The following SSBP3 variants were observed in gnomAD, a reference collection of about 807,000 sequenced individuals.
The protein encoded by SSBP3 is single stranded DNA binding protein 3.
SSBP3 carries 5 observed loss-of-function variants against 69.6 expected under a neutral mutation model. The ratio of observed to expected loss-of-function variants is 0.07; its 90% CI spans 0.04 to 0.15. The LOEUF (loss-of-function observed/expected upper bound fraction) is 0.15. Among genes scored for constraint, SSBP3 ranks in the 10% least tolerant of loss-of-function variants. SSBP3 has a pLI of 1.00. For synonymous variants in SSBP3, 196 were observed against 193.4 expected, an observed-to-expected ratio of 1.01 and a Z score of -0.11; for missense variants, 312 against 534.0, an observed-to-expected ratio of 0.58 and a Z score of 4.10.
Position 54,316,689 on chromosome 1 carries a change from T to A in SSBP3, c.277-35162A>T, listed in dbSNP as rs1270882054. On this transcript the variant is annotated intron_variant, in intron 4 of 17. Coordinates refer to ENST00000610401, the Ensembl canonical transcript of SSBP3. ...ATAAATAAATAAATAAATAAATAAA[T>A]AAATAAATAAATAAATAAATAAAAT... Among the ~76,000 whole-genome samples, 27 of 127,924 alleles carry A rather than the reference T, an allele frequency of 2.1e-4. 1 individual carries two copies. The highest frequency in any genetic ancestry group is 7.5e-4 in the East Asian group (3 of 3,994). The allele number at this position is 127,924 out of a possible 152,430, so 83.9% of individuals were successfully genotyped here. A position where few individuals can be genotyped will look rare whatever the true frequency, so the allele number is the denominator to read the frequency against.
At chr1:54,279,338 G>A (rs751805072) in intron 5 of SSBP3, among the ~76,000 whole-genome samples, 3 of 152,358 alleles carry the variant, frequency 2.0e-5, no homozygotes, top group Non-Finnish European at 4.4e-5. Flanking sequence ...AACGTCACAG[G>A]GGAGGGCCCA....
At chr1:54,284,103 C>CTTT (rs5774181) in intron 4 of SSBP3, among the ~76,000 whole-genome samples, 4 of 87,616 alleles carry the variant, frequency 4.6e-5, no homozygotes, top group Admixed American at 1.3e-4. Context: ...TATTTAACCA[C>CTTT]TTTTTTTTTT....
At chr1:54,344,026 C>T (rs1337029292) in intron 4 of SSBP3, among the ~76,000 whole-genome samples, 1 of 152,156 alleles carries the variant, frequency 6.6e-6, no homozygotes, top group African/African-American at 2.4e-5. Flanking sequence ...TGGTGGGAAG[C>T]TCAGTACCTG....
intron 4 of SSBP3, among the ~76,000 whole-genome samples, chr1:54,350,867 A>G (rs1646770774): frequency 6.6e-6 from 1 of 152,038 alleles, no homozygotes; most frequent in African/African-American, 2.4e-5. Flanking sequence ...ACAGGGTCTC[A>G]TTCTGTCACC....
At chr1:54,233,870 C>G (rs533863047) in intron 14 of SSBP3, among the ~76,000 whole-genome samples, 1 of 152,196 alleles carries the variant, frequency 6.6e-6, no homozygotes, top group Non-Finnish European at 1.5e-5. Flanking sequence ...TCACTGAGAA[C>G]GGGCCAGGAT....
chr1:54,348,392 C>A lies in SSBP3; in HGVS notation c.276+53469G>T, dbSNP rs114206733. Among the ~76,000 whole-genome samples the A allele has an allele frequency of 2.5e-3, 376 of 152,172 alleles. 2 individuals are homozygous for A. Among genetic ancestry groups the A allele is most frequent in the African/African-American group, 8.7e-3 (362 of 41,512 alleles). ...GGAAGTAGACATCCTCCTGCCTTGC[C>A]CCCTCAGCCAGTCACATGCTTCTAA... On this transcript the variant is annotated intron_variant, in intron 4 of 17. Transcript: ENST00000610401.
At chr1:54,262,694 G>C (rs569877371) in intron 5 of SSBP3, among the ~76,000 whole-genome samples, 1 of 152,346 alleles carries the variant, frequency 6.6e-6, no homozygotes, top group South Asian at 2.1e-4. Context: ...GCCCAGTGTG[G>C]CCACAGCATG....
At chr1:54,230,803 T>C (rs987215194) in intron 14 of SSBP3, among the ~76,000 whole-genome samples, 7 of 152,234 alleles carry the variant, frequency 4.6e-5, no homozygotes, top group African/African-American at 1.7e-4. Context: ...TCACTTAGCA[T>C]GTTTTCAAGG....
intron 4 of SSBP3, among the ~76,000 whole-genome samples, chr1:54,358,402 G>T (rs1646901738): frequency 6.6e-6 from 1 of 152,236 alleles, no homozygotes. Flanking sequence ...GGCAAGGGCA[G>T]AGTCTCAGGG....
chr1:54,369,750 G>A (rs988011438), intron 4 of SSBP3, among the ~76,000 whole-genome samples: 6 of 152,190 alleles, frequency 3.9e-5, no homozygotes, highest in South Asian at 2.1e-4. Context: ...GTCTGAGGAC[G>A]CTCAGAACAG....
chr1:54,276,801 T>C (rs530975427), intron 5 of SSBP3, among the ~76,000 whole-genome samples: 1 of 151,944 alleles, frequency 6.6e-6, no homozygotes, highest in South Asian at 2.1e-4. Context: ...AAGCCCATAC[T>C]CAACAAGGTC....
chr1:54,273,343 C>T (rs1297981326), intron 5 of SSBP3, among the ~76,000 whole-genome samples: 3 of 152,188 alleles, frequency 2.0e-5, no homozygotes, highest in African/African-American at 4.8e-5. Context: ...TGCGTGCACA[C>T]AGGCACGCAC....
intron 4 of SSBP3, among the ~76,000 whole-genome samples, chr1:54,353,167 C>T (rs2100589686): frequency 6.6e-6 from 1 of 152,290 alleles, no homozygotes; most frequent in African/African-American, 2.4e-5. Context: ...CTCAGAGGGC[C>T]CCAGCCAGTT....
At chr1:54,302,291 T>C (rs1460904992) in intron 4 of SSBP3, among the ~76,000 whole-genome samples, 2 of 151,476 alleles carry the variant, frequency 1.3e-5, no homozygotes, top group Non-Finnish European at 2.9e-5. Flanking sequence ...ACCTGCTCAA[T>C]GAATGTAGCT....
At chr1:54,351,413 G>A (rs1646779101) in intron 4 of SSBP3, among the ~76,000 whole-genome samples, 1 of 152,196 alleles carries the variant, frequency 6.6e-6, no homozygotes, top group Non-Finnish European at 1.5e-5. Context: ...AACAGGCAGA[G>A]CCTGAAGAGC....
At chr1:54,407,668 C>G (rs151298632), upstream of SSBP3, among the ~76,000 whole-genome samples, 1 of 150,790 alleles carries the variant, frequency 6.6e-6, no homozygotes, top group East Asian at 2.0e-4. Context: ...AAGAGTCAAG[C>G]AGAAAAAGCT....
chr1:54,291,145 G>T (rs1311508651), intron 4 of SSBP3, among the ~76,000 whole-genome samples: 1 of 137,190 alleles, frequency 7.3e-6, no homozygotes, highest in Non-Finnish European at 1.6e-5. Flanking sequence ...AAAACCACCC[G>T]CTTCTAGAAA....
At chr1:54,331,144 C>T (rs571938272) in intron 4 of SSBP3, among the ~76,000 whole-genome samples, 4 of 152,240 alleles carry the variant, frequency 2.6e-5, no homozygotes, top group Non-Finnish European at 4.4e-5. Context: ...TAATAACCTC[C>T]GCATGTAACG....
intron 4 of SSBP3, among the ~76,000 whole-genome samples, chr1:54,315,904 C>T (rs1391571562): frequency 6.6e-6 from 1 of 152,146 alleles, no homozygotes; most frequent in East Asian, 1.9e-4. Context: ...TCAAGGAATC[C>T]TCCTGCCTCA....
Sources: gnomAD v4.1 joint callset for allele counts (sites outside exome capture counted in the v4.1 genomes callset) on GRCh38, gnomAD v4.1.1 for gene constraint, MANE v1.5 for transcripts, NCBI Gene and HGNC (gene_info 2026-07-23, HGNC 2026-07-21) for gene names.